Variants in ARHGAP8 observed in about 807,000 individuals in gnomAD.
ARHGAP8 encodes rho GTPase-activating protein 8.
In ARHGAP8, 62 loss-of-function variants were observed where a neutral mutation model predicts 46.1. The observed-to-expected ratio is 1.34, with a 90% confidence interval of 1.10 to 1.66. The LOEUF is 1.66. Among genes scored for constraint, ARHGAP8 ranks in the 40% most tolerant of loss-of-function variants. The pLI is 0.00. For missense variants in ARHGAP8, 923 were observed against 568.4 expected (o/e 1.62, Z -6.34); for synonymous variants, 375 against 243.1 (o/e 1.54, Z -5.05).
intron 1 of ARHGAP8, among the ~76,000 whole-genome samples, chr22:44,767,872 CAA>C (rs35120042): frequency 3.6e-4 from 38 of 104,250 alleles, no homozygotes; most frequent in Admixed American, 3.7e-4. Context: ...GACCCCATCT[CAA>C]AAAAAAAAAA....
At chr22:44,805,378 GA>G (rs754240388) in intron 3 of ARHGAP8, among the ~76,000 whole-genome samples, 2 of 152,244 alleles carry the variant, frequency 1.3e-5, no homozygotes, top group Non-Finnish European at 2.9e-5. Flanking sequence ...GAGCTGTAGA[GA>G]GGGGGTAATT....
At chr22:44,763,440 C>T (rs950682671) in intron 1 of ARHGAP8, among the ~76,000 whole-genome samples, 2 of 139,554 alleles carry the variant, frequency 1.4e-5, no homozygotes, top group Non-Finnish European at 3.0e-5. Flanking sequence ...GAGGTTGCAC[C>T]GAGATCACGC....
At chr22:44,776,755 G>A (rs1926453777) in intron 1 of ARHGAP8, among the ~76,000 whole-genome samples, 1 of 152,174 alleles carries the variant, frequency 6.6e-6, no homozygotes, top group Admixed American at 6.5e-5. Flanking sequence ...GGTGGCGTCA[G>A]AGCAGAATTA....
intron 10 of ARHGAP8, among the ~76,000 whole-genome samples, chr22:44,858,114 G>A (rs944266764): frequency 1.3e-5 from 2 of 152,206 alleles, no homozygotes; most frequent in African/African-American, 4.8e-5. Context: ...TGATTTCATG[G>A]AATAATGGCT....
chr22:44,859,940 C>T (rs1449290117), intron 11 of ARHGAP8, 106 bp downstream of exon 11: 17 of 1,323,882 alleles, frequency 1.3e-5, no homozygotes, highest in Non-Finnish European at 1.5e-5. Flanking sequence ...GGGTCATGCC[C>T]TGCTTGGGCC....
intron 1 of ARHGAP8, among the ~76,000 whole-genome samples, chr22:44,755,109 T>A (rs764546464): frequency 6.6e-6 from 1 of 152,164 alleles, no homozygotes; most frequent in Non-Finnish European, 1.5e-5. Flanking sequence ...CTTGCTCACA[T>A]CAGGAGGCAC....
chr22:44,814,041 C>T (rs1219043697), intron 4 of ARHGAP8, among the ~76,000 whole-genome samples: 1 of 152,178 alleles, frequency 6.6e-6, no homozygotes, highest in Non-Finnish European at 1.5e-5. Flanking sequence ...CCTCTAGAGC[C>T]CTGGCATGTC....
chr22:44,854,561 C>T (rs1358400775), intron 10 of ARHGAP8, among the ~76,000 whole-genome samples: 1 of 152,028 alleles, frequency 6.6e-6, no homozygotes, highest in Non-Finnish European at 1.5e-5. Context: ...CCCTACTTCA[C>T]TAGTAAGCCC....
chr22:44,817,222 G>A (rs565907278), intron 5 of ARHGAP8, among the ~76,000 whole-genome samples: 11 of 152,314 alleles, frequency 7.2e-5, no homozygotes, highest in African/African-American at 2.6e-4. Context: ...TGTCATTCCA[G>A]GGACTGAATC....
chr22:44,770,478 T>G (rs1333416187), intron 1 of ARHGAP8, among the ~76,000 whole-genome samples: 1 of 151,932 alleles, frequency 6.6e-6, no homozygotes, highest in Non-Finnish European at 1.5e-5. Flanking sequence ...CCATCTCGGC[T>G]CATTGCAACT....
intron 9 of ARHGAP8, 134 bp downstream of exon 9, chr22:44,848,184 C>A: frequency 2.3e-6 from 3 of 1,293,704 alleles, no homozygotes; most frequent in Non-Finnish European, 3.2e-6. Context: ...AGGGTGGGGG[C>A]AGCTTCCCAG....
intron 5 of ARHGAP8, among the ~76,000 whole-genome samples, 169 bp from the exon 6 acceptor site, chr22:44,822,202 G>C (rs533409692): frequency 6.6e-6 from 1 of 152,066 alleles, no homozygotes; most frequent in Non-Finnish European, 1.5e-5. Flanking sequence ...ATCTCCCGGC[G>C]TGCGCTGCTT....
At chr22:44,831,200 C>G (rs542406372) in intron 7 of ARHGAP8, among the ~76,000 whole-genome samples, 13 of 151,888 alleles carry the variant, frequency 8.6e-5, no homozygotes, top group Admixed American at 3.3e-4. Context: ...TTTCTTTTGT[C>G]GCTTGTGCTT....
chr22:44,828,930 A>G (rs1429174853), intron 7 of ARHGAP8, among the ~76,000 whole-genome samples: 1 of 151,684 alleles, frequency 6.6e-6, no homozygotes, highest in Non-Finnish European at 1.5e-5. Flanking sequence ...CTCTTATCTT[A>G]TTGTTTAGAG....
At chr22:44,852,865 C>T (rs746711494) in intron 10 of ARHGAP8, among the ~76,000 whole-genome samples, 11 of 152,160 alleles carry the variant, frequency 7.2e-5, no homozygotes, top group Non-Finnish European at 1.3e-4. Flanking sequence ...TGCAGTGGCA[C>T]GATCTCGGCT....
At chr22:44,853,942 G>A (rs1199208817) in intron 10 of ARHGAP8, among the ~76,000 whole-genome samples, 5 of 143,982 alleles carry the variant, frequency 3.5e-5, no homozygotes, top group Non-Finnish European at 6.0e-5. Flanking sequence ...CAGGAGGATC[G>A]CTTGAACCCG....
In ARHGAP8 at chr22:44,853,164, A is replaced by T. The variant is rs139833099; in HGVS notation, c.877+4104A>T. Among the ~76,000 whole-genome samples the T allele has an allele frequency of 1.9e-3, 294 of 152,278 alleles. 2 individuals carry two copies. The highest frequency in any genetic ancestry group is 6.7e-3 in the African/African-American group (277 of 41,556). ...AGAAGATTCCTAGATGTTGGCTTGA[A>T]GTATCCTTTCATGGTAGAGAGAGAG... On this transcript the variant is annotated intron_variant, in intron 10 of 11. Transcript: ENST00000356099.
At chr22:44,859,388 T>G (rs1383618665) in intron 10 of ARHGAP8, among the ~76,000 whole-genome samples, 1 of 152,216 alleles carries the variant, frequency 6.6e-6, no homozygotes, top group Non-Finnish European at 1.5e-5. Flanking sequence ...TTTTGCCACG[T>G]GATGCACCTC....
chr22:44,837,269 C>T (rs117913133), intron 7 of ARHGAP8, among the ~76,000 whole-genome samples: 2 of 152,322 alleles, frequency 1.3e-5, no homozygotes, highest in Non-Finnish European at 2.9e-5. Flanking sequence ...CTCTGAATTA[C>T]TCTAAGCACA....
Sources: gnomAD v4.1 joint callset for allele counts (sites outside exome capture counted in the v4.1 genomes callset) on GRCh38, gnomAD v4.1.1 for gene constraint, MANE v1.5 for transcripts, NCBI Gene and HGNC (gene_info 2026-07-23, HGNC 2026-07-21) for gene names.